The following FSD2 variants were observed in gnomAD, a reference collection of about 807,000 sequenced individuals.
FSD2 encodes the protein fibronectin type III and SPRY domain containing 2.
In FSD2, 71 loss-of-function variants were observed where a neutral mutation model predicts 80.4. The ratio of observed to expected loss-of-function variants is 0.88; its 90% CI spans 0.73 to 1.08. The LOEUF (loss-of-function observed/expected upper bound fraction) is 1.08. Ranked by LOEUF, FSD2 falls within the 50% of genes least tolerant of loss-of-function variation. The pLI, the probability that FSD2 is intolerant of heterozygous loss-of-function variation, is 0.00. For missense variants in FSD2, 923 were observed against 913.8 expected (o/e 1.01, Z -0.13); for synonymous variants, 361 against 329.5 (o/e 1.10, Z -1.03).
intron 4 of FSD2, among the ~76,000 whole-genome samples, chr15:82,782,408 C>T (rs1043941313): frequency 1.3e-5 from 2 of 152,016 alleles, no homozygotes; most frequent in African/African-American, 4.8e-5. Flanking sequence ...TCAAAAAAAC[C>T]AAACCAAAAC....
At chr15:82,802,579 T>C (rs2050440192) in intron 1 of FSD2, among the ~76,000 whole-genome samples, 1 of 152,096 alleles carries the variant, frequency 6.6e-6, no homozygotes, top group East Asian at 1.9e-4. Context: ...CTTGGCATCA[T>C]GGGGGAGGAA....
At chr15:82,800,691 CAAAAAA>C (rs769762172) in intron 1 of FSD2, among the ~76,000 whole-genome samples, 1 of 47,828 alleles carries the variant, frequency 2.1e-5, no homozygotes, top group Non-Finnish European at 3.5e-5. Flanking sequence ...GATTCTGTCT[CAAAAAA>C]AAAAAAAAAA....
At chr15:82,780,164 A>G in intron 5 of FSD2, 81 bp downstream of exon 5, 1 of 987,388 alleles carries the variant, frequency 1.0e-6, no homozygotes, top group Non-Finnish European at 1.5e-6. Flanking sequence ...GAACCGTATA[A>G]CCAAATGGAA....
chr15:82,765,639 CT>C, intron 10 of FSD2, among the ~76,000 whole-genome samples: 1 of 152,272 alleles, frequency 6.6e-6, no homozygotes, highest in Middle Eastern at 3.4e-3. Flanking sequence ...TGCTCTTTAC[CT>C]CTAGCTGTAA....
chr15:82,757,878 A>C lies in FSD2; in HGVS notation c.*1470T>G, dbSNP rs2049206605. Reference sequence around the variant, plus strand: ...AGTCTTTCAGTTTGTCAGACTTTGCAGGTGCTGGAAAACATCAGAGGTTTT... The same window carrying C: ...AGTCTTTCAGTTTGTCAGACTTTGCCGGTGCTGGAAAACATCAGAGGTTTT... On this transcript the variant is annotated 3_prime_UTR_variant, in exon 13 of 13. Transcript: ENST00000334574. 1 of 152,264 alleles carries C rather than the reference A, an allele frequency of 6.6e-6. No homozygotes were observed. The allele number at this position is 152,264 out of a possible 1,614,324, so 9.4% of individuals were successfully genotyped here. A position where few individuals can be genotyped will look rare whatever the true frequency, so the allele number is the denominator to read the frequency against.
At chr15:82,770,047 G>A (rs181616546) in intron 7 of FSD2, among the ~76,000 whole-genome samples, 163 bp from the exon 8 acceptor site, 135 of 152,242 alleles carry the variant, frequency 8.9e-4, no homozygotes, top group Non-Finnish European at 1.0e-3. Context: ...CTTCCATTCA[G>A]AGCTTCCTTC....
At chr15:82,768,683 CAACT>C (rs1286706221) in intron 9 of FSD2, among the ~76,000 whole-genome samples, 193 bp downstream of exon 9, 1 of 152,216 alleles carries the variant, frequency 6.6e-6, no homozygotes, top group African/African-American at 2.4e-5. Context: ...GAGGTTCAAC[CAACT>C]TATTCATTCA....
chr15:82,781,969 C>T (rs191364511), intron 4 of FSD2, among the ~76,000 whole-genome samples: 4,760 of 150,472 alleles, frequency 0.032, 112 homozygotes, highest in Non-Finnish European at 0.047. Flanking sequence ...GAGGCTGAGG[C>T]AGGAGAATTG....
In FSD2 at chr15:82,787,045, C is replaced by A; in HGVS notation, c.346G>T (p.Glu116Ter). 1 of 1,613,974 alleles carries A rather than the reference C, an allele frequency of 6.2e-7. No individual in the cohort carries two copies. Among genetic ancestry groups the A allele is most frequent in the Non-Finnish European group, 8.5e-7 (1 of 1,179,888 alleles). The change falls in exon 2 of 13, where the codon GAG (glutamate) becomes TAG (stop). Residue 116 changes from glutamate to a stop codon, truncating the protein, a stop_gained. Coordinates refer to ENST00000334574, the MANE Select transcript of FSD2 (RefSeq NM_001007122.4). LOFTEE classifies it high-confidence loss of function. ...YMMKRRDPAR[E>*]QRDWRLSGEA... ...CCACTAAGTCTCCAGTCTCTCTGCT[C>A]CCTGGCTGGGTCTCTCCTCTTCATC...
intron 5 of FSD2, 69 bp from the exon 6 acceptor site, chr15:82,778,956 G>A (rs1041926190): frequency 3.0e-5 from 46 of 1,533,106 alleles, no homozygotes; most frequent in Non-Finnish European, 3.6e-5. Flanking sequence ...ATATAGTGCT[G>A]AGTCACTGTC....
chr15:82,801,135 C>G (rs905255191), intron 1 of FSD2, among the ~76,000 whole-genome samples: 1 of 152,174 alleles, frequency 6.6e-6, no homozygotes, highest in African/African-American at 2.4e-5. Context: ...TTTCTCTATG[C>G]TGCTGTGTCT....
chr15:82,797,924 T>C (rs899115725), intron 1 of FSD2, among the ~76,000 whole-genome samples: 1 of 152,100 alleles, frequency 6.6e-6, no homozygotes, highest in East Asian at 1.9e-4. Flanking sequence ...AAAAAAAGAG[T>C]TTAATATTCA....
intron 1 of FSD2, among the ~76,000 whole-genome samples, chr15:82,798,294 A>G (rs1322517401): frequency 6.6e-6 from 1 of 152,126 alleles, no homozygotes; most frequent in South Asian, 2.1e-4. Flanking sequence ...GCAGTGAGCT[A>G]TTATCTTGCC....
intron 11 of FSD2, among the ~76,000 whole-genome samples, chr15:82,762,788 C>T (rs2049322152): frequency 1.3e-5 from 2 of 152,174 alleles, no homozygotes; most frequent in Non-Finnish European, 2.9e-5. Flanking sequence ...TAAAATCTAC[C>T]TCCACTGTTG....
chr15:82,797,395 T>A (rs993274820), intron 1 of FSD2, among the ~76,000 whole-genome samples: 4 of 152,232 alleles, frequency 2.6e-5, no homozygotes, highest in African/African-American at 9.6e-5. Flanking sequence ...GGAAAGACAA[T>A]TGACCCTAAT....
At chr15:82,796,106 AT>A (rs925090666) in intron 1 of FSD2, 7 of 144,176 alleles carry the variant, frequency 4.9e-5, no homozygotes, top group African/African-American at 1.6e-4. Flanking sequence ...GTTTCAAGTG[AT>A]TCTCCTGACT....
intron 10 of FSD2, 56 bp from the exon 11 acceptor site, chr15:82,765,354 T>C: frequency 6.2e-7 from 1 of 1,609,502 alleles, no homozygotes; most frequent in Non-Finnish European, 8.5e-7. Context: ...TTTCTCCATG[T>C]GGGCGGTGGT....
At chr15:82,761,459 A>T (rs542937262) in intron 12 of FSD2, among the ~76,000 whole-genome samples, 11 of 152,198 alleles carry the variant, frequency 7.2e-5, no homozygotes. Context: ...ACATTTACTT[A>T]AAAAGATGGA....
chr15:82,796,782 C>T (rs954714090), intron 1 of FSD2, among the ~76,000 whole-genome samples: 9 of 152,020 alleles, frequency 5.9e-5, no homozygotes, highest in East Asian at 3.9e-4. Context: ...AATCTGTATG[C>T]GAAGACTTTC....
Sources: gnomAD v4.1 joint callset for allele counts (sites outside exome capture counted in the v4.1 genomes callset) on GRCh38, gnomAD v4.1.1 for gene constraint, MANE v1.5 for transcripts, NCBI Gene and HGNC (gene_info 2026-07-23, HGNC 2026-07-21) for gene names.